The following LRMDA variants were observed in gnomAD, a reference collection of about 807,000 sequenced individuals.
LRMDA encodes leucine rich melanocyte differentiation associated.
In LRMDA, 18 loss-of-function variants were observed where a neutral mutation model predicts 29.8. That is an observed-to-expected ratio of 0.60 (90% CI 0.42 to 0.90). The LOEUF is 0.90. Among genes scored for constraint, LRMDA ranks in the 40% least tolerant of loss-of-function variants. The probability of loss-of-function intolerance (pLI) is 0.00; values close to 1 mark genes in which losing one functional copy is unlikely to be tolerated. For missense variants in LRMDA, 273 were observed against 273.9 expected (o/e 1.00, Z 0.02); for synonymous variants, 125 against 109.4 (o/e 1.14, Z -0.89).
At chr10:76,110,523 C>T (rs1849559708) in intron 5 of LRMDA, among the ~76,000 whole-genome samples, 1 of 152,116 alleles carries the variant, frequency 6.6e-6, no homozygotes, top group Admixed American at 6.5e-5. Context: ...GGCTGTGGCC[C>T]CACCCAAATC....
At chr10:75,562,228 A>G (rs1238814974) in intron 2 of LRMDA, among the ~76,000 whole-genome samples, 2 of 152,092 alleles carry the variant, frequency 1.3e-5, no homozygotes, top group African/African-American at 4.8e-5. Flanking sequence ...TATTGGGTGC[A>G]TATATGTTTA....
chr10:75,617,649 C>T (rs929168030), intron 2 of LRMDA, among the ~76,000 whole-genome samples: 2 of 152,194 alleles, frequency 1.3e-5, no homozygotes, highest in African/African-American at 4.8e-5. Flanking sequence ...ACACACTCTG[C>T]TCCAGCCAAA....
chr10:76,075,156 T>C (rs2132073306), intron 5 of LRMDA, among the ~76,000 whole-genome samples: 1 of 152,356 alleles, frequency 6.6e-6, no homozygotes, highest in Admixed American at 6.5e-5. Context: ...CTGACCTGTG[T>C]CCGCTCAAAA....
At chr10:76,370,118 T>C (rs1841435888) in intron 6 of LRMDA, among the ~76,000 whole-genome samples, 1 of 9,120 alleles carries the variant, frequency 1.1e-4, no homozygotes, top group African/African-American at 6.1e-4. Flanking sequence ...TCTTAGATTT[T>C]ATGCCAGCAA....
intron 5 of LRMDA, among the ~76,000 whole-genome samples, chr10:76,179,552 T>C (rs967397247): frequency 6.6e-6 from 1 of 152,200 alleles, no homozygotes; most frequent in Non-Finnish European, 1.5e-5. Flanking sequence ...AACCCAGGAC[T>C]GTCTTGTCGG....
At chr10:76,326,263 C>T (rs1589428498) in intron 6 of LRMDA, among the ~76,000 whole-genome samples, 1 of 152,202 alleles carries the variant, frequency 6.6e-6, no homozygotes, top group Non-Finnish European at 1.5e-5. Context: ...TAATATATTT[C>T]AGCTTAGCAT....
intron 2 of LRMDA, among the ~76,000 whole-genome samples, chr10:75,611,047 G>C (rs1841024123): frequency 2.0e-5 from 3 of 152,146 alleles, no homozygotes; most frequent in Non-Finnish European, 2.9e-5. Flanking sequence ...TGGGGACAGG[G>C]AAGGCTGCTG....
At chr10:75,592,698 C>T (rs569770283) in intron 2 of LRMDA, among the ~76,000 whole-genome samples, 1 of 152,328 alleles carries the variant, frequency 6.6e-6, no homozygotes, top group Non-Finnish European at 1.5e-5. Context: ...CTCTCCTGTT[C>T]CTCAGTCTCG....
At chr10:75,856,813 T>C (rs1325532033) in intron 2 of LRMDA, among the ~76,000 whole-genome samples, 1 of 152,122 alleles carries the variant, frequency 6.6e-6, no homozygotes, top group Non-Finnish European at 1.5e-5. Context: ...TTCAACATAG[T>C]GTTGGAAGTT....
At chr10:76,448,440 A>G (rs576270003) in intron 6 of LRMDA, among the ~76,000 whole-genome samples, 1 of 152,146 alleles carries the variant, frequency 6.6e-6, no homozygotes, top group South Asian at 2.1e-4. Flanking sequence ...TTGATACATA[A>G]TGAAACATTT....
intron 5 of LRMDA, among the ~76,000 whole-genome samples, chr10:76,254,828 T>A (rs1852561458): frequency 1.4e-5 from 1 of 71,674 alleles, no homozygotes; most frequent in Non-Finnish European, 2.6e-5. Context: ...GTTCATTTTA[T>A]TTTAGAAGTT....
chr10:76,395,836 C>T (rs975921176), intron 6 of LRMDA, among the ~76,000 whole-genome samples: 10 of 152,202 alleles, frequency 6.6e-5, no homozygotes, highest in African/African-American at 2.4e-4. Flanking sequence ...ATTTCTAAAA[C>T]AGTGTGAAAA....
intron 6 of LRMDA, among the ~76,000 whole-genome samples, chr10:76,552,366 T>G (rs2132396752): frequency 6.6e-6 from 1 of 152,332 alleles, no homozygotes; most frequent in African/African-American, 2.4e-5. Flanking sequence ...GGAAAGTTAA[T>G]GAAAACCCTT....
At chr10:75,700,108 T>G (rs1454396947) in intron 2 of LRMDA, among the ~76,000 whole-genome samples, 2 of 152,144 alleles carry the variant, frequency 1.3e-5, no homozygotes, top group East Asian at 3.9e-4. Flanking sequence ...GAGAATAAAT[T>G]TCTGGTTTTT....
chr10:75,615,885 A>G (rs775231697), intron 2 of LRMDA, among the ~76,000 whole-genome samples: 6 of 152,200 alleles, frequency 3.9e-5, no homozygotes, highest in Non-Finnish European at 8.8e-5. Context: ...GATTTTAGGC[A>G]GTATACTGAA....
At chr10:76,253,462 CAG>C (rs899334893) in intron 5 of LRMDA, among the ~76,000 whole-genome samples, 5 of 149,590 alleles carry the variant, frequency 3.3e-5, no homozygotes, top group African/African-American at 2.5e-5. Flanking sequence ...TTCTAAAAGA[CAG>C]AGCTAGAAGG....
chr10:75,607,763 C>A (rs2132096107), intron 2 of LRMDA, among the ~76,000 whole-genome samples: 1 of 151,610 alleles, frequency 6.6e-6, no homozygotes, highest in South Asian at 2.1e-4. Context: ...ACTGGAACCA[C>A]CCAAGGAACT....
chr10:76,132,095 G>A (rs76207923), intron 5 of LRMDA, among the ~76,000 whole-genome samples: 2,747 of 152,268 alleles, frequency 0.018, 91 homozygotes, highest in African/African-American at 0.062. Flanking sequence ...CACTTGTGAG[G>A]TTGGTTAAGA....
intron 6 of LRMDA, among the ~76,000 whole-genome samples, chr10:76,549,542 C>T (rs1486830793): frequency 6.6e-6 from 1 of 152,154 alleles, no homozygotes; most frequent in Non-Finnish European, 1.5e-5. Context: ...TGAATTGGTG[C>T]TCCACACTCT....
Sources: gnomAD v4.1 joint callset for allele counts (sites outside exome capture counted in the v4.1 genomes callset) on GRCh38, gnomAD v4.1.1 for gene constraint, MANE v1.5 for transcripts, NCBI Gene and HGNC (gene_info 2026-07-23, HGNC 2026-07-21) for gene names.